The following GSG1L variants were observed in gnomAD, a reference collection of about 807,000 sequenced individuals.
GSG1L encodes the protein GSG1 like.
Under a neutral mutation model 42.1 loss-of-function variants are expected in GSG1L, and 24 were observed. That is an observed-to-expected ratio of 0.57 (90% confidence interval 0.41 to 0.80). GSG1L has a LOEUF of 0.80. Ranked by LOEUF, GSG1L falls within the 30% of genes least tolerant of loss-of-function variation. GSG1L has a pLI of 0.00. For synonymous variants in GSG1L, 215 were observed against 203.5 expected, an observed-to-expected ratio of 1.06 and a Z score of -0.48; for missense variants, 445 against 472.2, an observed-to-expected ratio of 0.94 and a Z score of 0.53.
At chr16:27,918,642 G>A (rs2084486960) in intron 2 of GSG1L, among the ~76,000 whole-genome samples, 1 of 146,150 alleles carries the variant, frequency 6.8e-6, no homozygotes, top group Non-Finnish European at 1.5e-5. Context: ...CTGGGCGACA[G>A]AGCAAGACTC....
At chr16:28,008,608 C>G (rs960097985) in intron 1 of GSG1L, among the ~76,000 whole-genome samples, 1 of 152,160 alleles carries the variant, frequency 6.6e-6, no homozygotes, top group African/African-American at 2.4e-5. Context: ...GGGAGGTCTT[C>G]TAGAAAAGTA....
intron 5 of GSG1L, among the ~76,000 whole-genome samples, chr16:27,817,435 T>C (rs1399125539): frequency 1.3e-5 from 2 of 152,236 alleles, no homozygotes; most frequent in Non-Finnish European, 2.9e-5. Flanking sequence ...ATAGCCTACA[T>C]GCTGTGCTTC....
At chr16:27,910,435 G>T (rs1210327550) in intron 2 of GSG1L, among the ~76,000 whole-genome samples, 1 of 152,158 alleles carries the variant, frequency 6.6e-6, no homozygotes, top group Non-Finnish European at 1.5e-5. Flanking sequence ...CCTCTGTGAG[G>T]TAGGTAATGT....
chr16:27,988,588 T>C (rs2141132499), intron 1 of GSG1L, among the ~76,000 whole-genome samples: 1 of 152,266 alleles, frequency 6.6e-6, no homozygotes, highest in East Asian at 1.9e-4. Context: ...CAAAGCTGAC[T>C]GAAATTGGAT....
chr16:27,939,695 C>T (rs2084764325), intron 2 of GSG1L, among the ~76,000 whole-genome samples: 1 of 152,198 alleles, frequency 6.6e-6, no homozygotes, highest in South Asian at 2.1e-4. Context: ...CCTCTCCCCA[C>T]TCTCCCCATA....
chr16:27,934,727 G>A (rs571863898), intron 2 of GSG1L, among the ~76,000 whole-genome samples: 14 of 152,244 alleles, frequency 9.2e-5, no homozygotes, highest in East Asian at 5.8e-4. Flanking sequence ...GCGGTTGTGC[G>A]AGGGTGTCAC....
intron 1 of GSG1L, among the ~76,000 whole-genome samples, chr16:28,060,179 C>A (rs1024048905): frequency 1.3e-5 from 2 of 150,760 alleles, no homozygotes; most frequent in South Asian, 2.1e-4. Flanking sequence ...GTGGGGGAGG[C>A]GAGATTTTGT....
chr16:28,033,507 A>G, intron 1 of GSG1L, among the ~76,000 whole-genome samples: 1 of 152,210 alleles, frequency 6.6e-6, no homozygotes, highest in South Asian at 2.1e-4. Context: ...AATCAAATAA[A>G]AAAGAAAAAA....
At chr16:27,817,375 CCA>C in intron 5 of GSG1L, among the ~76,000 whole-genome samples, 1 of 152,186 alleles carries the variant, frequency 6.6e-6, no homozygotes, top group East Asian at 1.9e-4. Context: ...CTCTCTGGCC[CCA>C]GACTGACTCT....
At chr16:27,826,261 G>A (rs1459160163) in intron 5 of GSG1L, among the ~76,000 whole-genome samples, 1 of 152,134 alleles carries the variant, frequency 6.6e-6, no homozygotes, top group Non-Finnish European at 1.5e-5. Flanking sequence ...GTTACAGTCA[G>A]GGTACCTGTG....
chr16:27,793,539 T>C (rs2082778822), intron 6 of GSG1L, among the ~76,000 whole-genome samples: 2 of 152,160 alleles, frequency 1.3e-5, no homozygotes, highest in East Asian at 3.9e-4. Context: ...AAAGGTATGA[T>C]TGTTTTTCTA....
intron 2 of GSG1L, among the ~76,000 whole-genome samples, chr16:27,955,392 G>A (rs1338193431): frequency 1.3e-5 from 2 of 151,622 alleles, no homozygotes; most frequent in Non-Finnish European, 2.9e-5. Context: ...AAATAAAAAG[G>A]CAAATAAAAA....
Position 27,828,875 on chromosome 16 carries a change from G to A in GSG1L, c.744C>T (p.Phe248=), listed in dbSNP as rs1374424879. ...LNSYTKTVIE[F]RHKRKVFEQG... is the part of the protein sequence containing the mutation. Reference sequence around the variant, plus strand: ...GCTCAAAGACCTTGCGCTTGTGCCGGAACTCAATGACCGTCTTGGTGTAGG... The same window carrying A: ...GCTCAAAGACCTTGCGCTTGTGCCGAAACTCAATGACCGTCTTGGTGTAGG... Residue 248 remains phenylalanine, a synonymous_variant, in exon 5 of 7, where the codon TTC becomes TTT. Coordinates refer to ENST00000447459, the MANE Select transcript of GSG1L (RefSeq NM_001109763.2). 6.2e-7 allele frequency: 1 copy of A among 1,614,094 alleles called. No individual in the cohort carries two copies. The highest frequency in any genetic ancestry group is 2.2e-5 in the East Asian group (1 of 44,894).
At chr16:28,012,567 T>G (rs888374175) in intron 1 of GSG1L, among the ~76,000 whole-genome samples, 1 of 136,510 alleles carries the variant, frequency 7.3e-6, no homozygotes, top group African/African-American at 2.5e-5. Context: ...CAGATTGACC[T>G]GAAATGAAAT....
intron 1 of GSG1L, among the ~76,000 whole-genome samples, chr16:27,981,732 C>T (rs535330115): frequency 2.0e-5 from 3 of 152,140 alleles, no homozygotes; most frequent in African/African-American, 4.8e-5. Flanking sequence ...ACTGCTACAC[C>T]GTGGCCTCCA....
chr16:27,941,451 A>C (rs1465621244), intron 2 of GSG1L, among the ~76,000 whole-genome samples: 1 of 148,606 alleles, frequency 6.7e-6, no homozygotes, highest in Non-Finnish European at 1.5e-5. Flanking sequence ...CGGGTGGATC[A>C]CCTGAGTTCA....
chr16:27,930,750 G>A (rs1190300728), intron 2 of GSG1L, among the ~76,000 whole-genome samples: 1 of 152,048 alleles, frequency 6.6e-6, no homozygotes, highest in African/African-American at 2.4e-5. Context: ...AAAGAGACAG[G>A]GTCTTATTCT....
chr16:27,936,133 A>G (rs1549268), intron 2 of GSG1L, among the ~76,000 whole-genome samples: 112,517 of 151,412 alleles, frequency 0.74, 42,254 homozygotes, highest in African/African-American at 0.81. Context: ...ACAGTCGCAC[A>G]AGGAAAGAAC....
At chr16:27,976,113 T>C (rs1034446040) in intron 1 of GSG1L, among the ~76,000 whole-genome samples, 3 of 152,008 alleles carry the variant, frequency 2.0e-5, no homozygotes, top group African/African-American at 7.2e-5. Context: ...TGTCTCTACA[T>C]AAAATACAAA....
Sources: gnomAD v4.1 joint callset for allele counts (sites outside exome capture counted in the v4.1 genomes callset) on GRCh38, gnomAD v4.1.1 for gene constraint, MANE v1.5 for transcripts, NCBI Gene and HGNC (gene_info 2026-07-23, HGNC 2026-07-21) for gene names.